The following MDGA2 variants were observed in gnomAD, a reference collection of about 807,000 sequenced individuals.
MDGA2 encodes MAM domain containing glycosylphosphatidylinositol anchor 2.
Under a neutral mutation model 117.8 loss-of-function variants are expected in MDGA2, and 40 were observed. That is an observed-to-expected ratio of 0.34 (90% CI 0.26 to 0.44). The LOEUF (loss-of-function observed/expected upper bound fraction) is 0.44, where lower values mean the gene tolerates loss of function less well. Among genes scored for constraint, MDGA2 ranks in the 20% least tolerant of loss-of-function variants. The pLI is 1.00. For missense variants in MDGA2, 1,123 were observed against 1,250.6 expected (o/e 0.90, Z 1.54); for synonymous variants, 452 against 439.0 (o/e 1.03, Z -0.37).
At chr14:47,000,371 A>ATATATT (rs1475222921) in intron 8 of MDGA2, among the ~76,000 whole-genome samples, 2 of 90,398 alleles carry the variant, frequency 2.2e-5, no homozygotes, top group Admixed American at 3.4e-4. Context: ...ATATGTATAT[A>ATATATT]TATATTTATA....
chr14:47,261,159 T>C (rs1474220455), intron 2 of MDGA2, among the ~76,000 whole-genome samples: 1 of 152,030 alleles, frequency 6.6e-6, no homozygotes, highest in East Asian at 1.9e-4. Flanking sequence ...ATATAAACAG[T>C]TTTATTTATA....
chr14:47,036,044 A>C (rs902738467), intron 7 of MDGA2, among the ~76,000 whole-genome samples: 6 of 151,776 alleles, frequency 4.0e-5, no homozygotes, highest in Non-Finnish European at 7.4e-5. Flanking sequence ...ATGAGGCAGG[A>C]GGATCACGAG....
At chr14:47,329,313 A>G (rs543354794) in intron 1 of MDGA2, among the ~76,000 whole-genome samples, 1 of 152,224 alleles carries the variant, frequency 6.6e-6, no homozygotes, top group South Asian at 2.1e-4. Context: ...ATTTTCTTAA[A>G]CATGTCTTAT....
At chr14:46,864,238 G>A (rs1162372520) in intron 14 of MDGA2, among the ~76,000 whole-genome samples, 1 of 150,920 alleles carries the variant, frequency 6.6e-6, no homozygotes, top group Non-Finnish European at 1.5e-5. Context: ...TTAAATGAGT[G>A]TATGCATTTG....
chr14:47,429,964 G>A (rs1299583306), intron 1 of MDGA2, among the ~76,000 whole-genome samples: 1 of 148,110 alleles, frequency 6.8e-6, no homozygotes, highest in Non-Finnish European at 1.5e-5. Context: ...AACGAGAACA[G>A]CATTCTAGAT....
chr14:47,035,722 T>C (rs1036954279), intron 7 of MDGA2, among the ~76,000 whole-genome samples: 3 of 152,192 alleles, frequency 2.0e-5, no homozygotes, highest in Admixed American at 6.5e-5. Flanking sequence ...ATCAAAAGTT[T>C]TGACTAGTTT....
intron 1 of MDGA2, among the ~76,000 whole-genome samples, chr14:47,376,931 T>A (rs1222483716): frequency 6.6e-6 from 1 of 152,084 alleles, no homozygotes; most frequent in Non-Finnish European, 1.5e-5. Context: ...CTACTCCACA[T>A]GTAAAGTAAC....
intron 1 of MDGA2, among the ~76,000 whole-genome samples, chr14:47,510,892 A>G (rs1328731343): frequency 1.3e-5 from 2 of 152,232 alleles, no homozygotes; most frequent in Admixed American, 6.5e-5. Context: ...CTTTGCTCCC[A>G]TAGTGTGGAT....
chr14:47,380,578 C>T (rs990990711), intron 1 of MDGA2, among the ~76,000 whole-genome samples: 2 of 152,042 alleles, frequency 1.3e-5, no homozygotes, highest in Non-Finnish European at 2.9e-5. Flanking sequence ...TCAGAGAATA[C>T]TACAAACACC....
intron 1 of MDGA2, among the ~76,000 whole-genome samples, chr14:47,641,527 A>G (rs1239253443): frequency 6.6e-6 from 1 of 152,090 alleles, no homozygotes; most frequent in Admixed American, 6.5e-5. Context: ...CCAGTGAAAG[A>G]GAGGATACCA....
At chr14:47,070,616 T>C (rs1417064559) in intron 6 of MDGA2, among the ~76,000 whole-genome samples, 2 of 152,142 alleles carry the variant, frequency 1.3e-5, no homozygotes, top group African/African-American at 4.8e-5. Context: ...TTTATTTATT[T>C]ATTTATTTTT....
intron 14 of MDGA2, among the ~76,000 whole-genome samples, chr14:46,856,200 A>G (rs1881262290): frequency 2.0e-5 from 3 of 152,118 alleles, no homozygotes; most frequent in Admixed American, 2.0e-4. Context: ...AGGGAGTTTC[A>G]GAGTCTTACA....
chr14:47,056,998 A>G (rs1889700041), intron 7 of MDGA2, among the ~76,000 whole-genome samples: 1 of 152,110 alleles, frequency 6.6e-6, no homozygotes, highest in Admixed American at 6.6e-5. Flanking sequence ...ACTTACCTGC[A>G]GTCTAGCCAG....
chr14:47,609,456 T>TATAGATATAG (rs1896806000), intron 1 of MDGA2, among the ~76,000 whole-genome samples: 2 of 110,152 alleles, frequency 1.8e-5, no homozygotes, highest in Admixed American at 1.8e-4. Context: ...TATATATATA[T>TATAGATATAG]ATATATATAA....
chr14:47,233,259 T>A (rs1886749603), intron 2 of MDGA2, among the ~76,000 whole-genome samples: 1 of 152,116 alleles, frequency 6.6e-6, no homozygotes, highest in African/African-American at 2.4e-5. Flanking sequence ...ATATTTACAA[T>A]CATTAGACCT....
chr14:46,917,246 A>G (rs1883936134), intron 10 of MDGA2, among the ~76,000 whole-genome samples: 2 of 152,248 alleles, frequency 1.3e-5, no homozygotes, highest in Admixed American at 1.3e-4. Context: ...GGCTTAGAAT[A>G]AAACTCAAAT....
chr14:47,322,659 A>G (rs1048601231), intron 1 of MDGA2, among the ~76,000 whole-genome samples: 9 of 152,162 alleles, frequency 5.9e-5, no homozygotes, highest in African/African-American at 2.2e-4. Context: ...GTATATCCAC[A>G]TCTCAGATTC....
intron 5 of MDGA2, among the ~76,000 whole-genome samples, chr14:47,099,560 CT>C (rs1312111615): frequency 6.6e-6 from 1 of 151,782 alleles, no homozygotes; most frequent in African/African-American, 2.4e-5. Context: ...TTCATATTAC[CT>C]TGTATATTAG....
chr14:47,079,601 T>A (rs2138880937), intron 6 of MDGA2, among the ~76,000 whole-genome samples: 1 of 152,206 alleles, frequency 6.6e-6, no homozygotes. Flanking sequence ...CAGTTTTACT[T>A]TAGAAAGACA....
Sources: gnomAD v4.1 joint callset for allele counts (sites outside exome capture counted in the v4.1 genomes callset) on GRCh38, gnomAD v4.1.1 for gene constraint, MANE v1.5 for transcripts, NCBI Gene and HGNC (gene_info 2026-07-23, HGNC 2026-07-21) for gene names.